Variants in ABI1 observed in about 807,000 individuals in gnomAD.
ABI1 encodes the protein Abelson interactor 1.
A neutral mutation model predicts 54.6 loss-of-function variants in ABI1; 14 were observed. The observed-to-expected ratio is 0.26, with a 90% CI of 0.17 to 0.40. ABI1 has a LOEUF of 0.40. Ranked by LOEUF, ABI1 falls within the 10% of genes least tolerant of loss-of-function variation. The pLI is 1.00. For synonymous variants in ABI1, 194 were observed against 209.3 expected (o/e 0.93, Z 0.63); for missense variants, 443 against 598.3 (o/e 0.74, Z 2.71).
At chr10:26,853,310 TTTA>T (rs199511725) in intron 1 of ABI1, among the ~76,000 whole-genome samples, 1,944 of 140,788 alleles carry the variant, frequency 0.014, 40 homozygotes, top group African/African-American at 0.047. Flanking sequence ...CTTTTTTTTT[TTTA>T]AAAAAAATCC....
intron 2 of ABI1, among the ~76,000 whole-genome samples, chr10:26,793,212 A>C (rs1843698706): frequency 6.6e-6 from 1 of 152,240 alleles, no homozygotes; most frequent in Admixed American, 6.5e-5. Context: ...AGGGCAGAAG[A>C]AGAGAGTCCT....
chr10:26,840,318 T>A, intron 1 of ABI1, among the ~76,000 whole-genome samples: 1 of 152,164 alleles, frequency 6.6e-6, no homozygotes, highest in Admixed American at 6.5e-5. Context: ...TCAGCTCCCT[T>A]CCCTTCAGCT....
intron 4 of ABI1, among the ~76,000 whole-genome samples, chr10:26,770,773 T>C (rs1461640900): frequency 2.6e-5 from 4 of 152,184 alleles, no homozygotes; most frequent in African/African-American, 7.2e-5. Context: ...ATATGATGTC[T>C]GGGAAACCTC....
chr10:26,771,044 T>C (rs768648881), intron 4 of ABI1, 31 bp downstream of exon 4: 4 of 1,612,724 alleles, frequency 2.5e-6, no homozygotes, highest in Admixed American at 3.3e-5. Flanking sequence ...GAGGAAATAC[T>C]GTGGATCAAA....
intron 1 of ABI1, among the ~76,000 whole-genome samples, chr10:26,853,103 T>C (rs915044799): frequency 6.6e-6 from 1 of 152,084 alleles, no homozygotes; most frequent in African/African-American, 2.4e-5. Flanking sequence ...GGATATTTAC[T>C]GTTAAAATGA....
chr10:26,852,842 G>C (rs1011210130), intron 1 of ABI1, among the ~76,000 whole-genome samples: 2 of 152,186 alleles, frequency 1.3e-5, no homozygotes, highest in East Asian at 3.8e-4. Flanking sequence ...CAAGGCAGGA[G>C]GATCACTTGA....
At chr10:26,851,285 T>C (rs1035367562) in intron 1 of ABI1, among the ~76,000 whole-genome samples, 1 of 150,188 alleles carries the variant, frequency 6.7e-6, no homozygotes, top group South Asian at 2.1e-4. Context: ...AGCCTCAAAC[T>C]CCTGGGCTCA....
intron 2 of ABI1, among the ~76,000 whole-genome samples, chr10:26,788,241 G>A (rs565655514): frequency 2.0e-5 from 3 of 152,212 alleles, no homozygotes; most frequent in Admixed American, 2.0e-4. Context: ...ATGATTCTTA[G>A]GCCTCCCCAG....
chr10:26,843,855 A>T (rs1274961363), intron 1 of ABI1, among the ~76,000 whole-genome samples: 3 of 152,168 alleles, frequency 2.0e-5, no homozygotes, highest in Non-Finnish European at 4.4e-5. Context: ...CCAAGTTATG[A>T]CAATTAGCTC....
chr10:26,787,811 A>G (rs1230269701), intron 2 of ABI1, among the ~76,000 whole-genome samples: 2 of 152,082 alleles, frequency 1.3e-5, no homozygotes, highest in African/African-American at 4.8e-5. Context: ...CCAGTTGAGA[A>G]GAACTAGATG....
At chr10:26,796,327 C>A (rs1328427676) in intron 2 of ABI1, among the ~76,000 whole-genome samples, 1 of 152,186 alleles carries the variant, frequency 6.6e-6, no homozygotes, top group Non-Finnish European at 1.5e-5. Flanking sequence ...TATCACACCA[C>A]ATAATAACAA....
At chr10:26,799,969 T>G (rs1353593317) in intron 2 of ABI1, among the ~76,000 whole-genome samples, 1 of 143,446 alleles carries the variant, frequency 7.0e-6, no homozygotes, top group Non-Finnish European at 1.5e-5. Context: ...TAAAAACACT[T>G]GGAAAACAAT....
chr10:26,809,497 A>G (rs2047089116), intron 2 of ABI1, among the ~76,000 whole-genome samples: 1 of 152,092 alleles, frequency 6.6e-6, no homozygotes, highest in African/African-American at 2.4e-5. Context: ...GTTTGAGGAT[A>G]CAGTGAGCTA....
chr10:26,779,038 T>C (rs989164467), intron 2 of ABI1, among the ~76,000 whole-genome samples: 1 of 152,210 alleles, frequency 6.6e-6, no homozygotes, highest in Non-Finnish European at 1.5e-5. Context: ...AGGAGTCTCA[T>C]GTCTTCCAAC....
chr10:26,819,942 T>C (rs2047857428), intron 2 of ABI1, among the ~76,000 whole-genome samples: 1 of 152,164 alleles, frequency 6.6e-6, no homozygotes, highest in Non-Finnish European at 1.5e-5. Context: ...AGACAAACCC[T>C]GAATGATCTC....
At chr10:26,820,749 G>A (rs989536689) in intron 2 of ABI1, among the ~76,000 whole-genome samples, 4 of 151,416 alleles carry the variant, frequency 2.6e-5, no homozygotes, top group East Asian at 2.0e-4. Context: ...CACCACGCCC[G>A]GCTAATTTTT....
chr10:26,799,294 T>C (rs2046390305), intron 2 of ABI1, among the ~76,000 whole-genome samples: 2 of 152,088 alleles, frequency 1.3e-5, no homozygotes. Context: ...TCGAGAACTA[T>C]AATCAGAAAA....
chr10:26,825,655 C>T (rs1411243680), intron 1 of ABI1, among the ~76,000 whole-genome samples: 2 of 152,186 alleles, frequency 1.3e-5, no homozygotes, highest in African/African-American at 4.8e-5. Flanking sequence ...GAGCAAAACT[C>T]TGTCTCAAAA....
chr10:26,839,985 G>A lies in ABI1; in HGVS notation c.118-16680C>T, dbSNP rs565153825. ...AGCCGGGGTGACATAGAGAGATCCT[G>A]TATCAAAAAAAACAAAAACAAAAAC... On this transcript the variant is annotated intron_variant, in intron 1 of 10. Coordinates refer to ENST00000376140, the MANE Select transcript of ABI1 (RefSeq NM_001012750.3). Among the ~76,000 whole-genome samples, 206 of 151,780 alleles carry A rather than the reference G, an allele frequency of 1.4e-3. 1 individual carries two copies. The highest frequency in any genetic ancestry group is 4.5e-3 in the African/African-American group (186 of 41,352).
Sources: allele counts gnomAD v4.1 joint callset (sites outside exome capture counted in the v4.1 genomes callset), GRCh38; gene constraint gnomAD v4.1.1; transcripts MANE v1.5; gene names NCBI Gene and HGNC (gene_info 2026-07-23, HGNC 2026-07-21).